Variants in MYO9B observed in about 807,000 individuals in gnomAD.
The protein encoded by MYO9B is myosin IXB.
Under a neutral mutation model 229.5 loss-of-function variants are expected in MYO9B, and 71 were observed. The observed-to-expected ratio is 0.31, with a 90% CI of 0.26 to 0.38. The LOEUF is 0.38. Ranked by LOEUF, MYO9B falls within the 10% of genes least tolerant of loss-of-function variation. The pLI, the probability that MYO9B is intolerant of heterozygous loss-of-function variation, is 1.00. For missense variants in MYO9B, 2,255 were observed against 2,920.5 expected (o/e 0.77, Z 5.25); for synonymous variants, 1,185 against 1,235.8 (o/e 0.96, Z 0.86).
intron 19 of MYO9B, among the ~76,000 whole-genome samples, chr19:17,189,437 A>G (rs2072955462): frequency 6.7e-6 from 1 of 148,746 alleles, no homozygotes; most frequent in Non-Finnish European, 1.5e-5. Context: ...GGAGCTTAAA[A>G]TCAGTCTAGG....
At chr19:17,100,553 A>T (rs74779839) in intron 1 of MYO9B, among the ~76,000 whole-genome samples, 1 of 152,152 alleles carries the variant, frequency 6.6e-6, no homozygotes, top group African/African-American at 2.4e-5. Flanking sequence ...TTCTGGTGTC[A>T]CTAGCTCTTC....
chr19:17,173,833 A>C (rs1056442030), intron 13 of MYO9B, among the ~76,000 whole-genome samples: 5 of 152,044 alleles, frequency 3.3e-5, no homozygotes, highest in Non-Finnish European at 7.4e-5. Flanking sequence ...ACCCAGGTCT[A>C]AGGGCTCCAA....
At position 17,162,565 on chromosome 19, in the gene MYO9B, C is replaced by T. The variant is rs549158289; in HGVS notation, c.1536+99C>T. Reference sequence around the variant, plus strand: ...CGACCTGGAACATCCGGAGCCGAGGCATCTGCAATCAAGAGGCTGTTTCCC... The same window carrying T: ...CGACCTGGAACATCCGGAGCCGAGGTATCTGCAATCAAGAGGCTGTTTCCC... On this transcript the variant is annotated intron_variant, in intron 9 of 39. Transcript: ENST00000682292. 4.8e-5 allele frequency: 49 copies of T among 1,018,410 alleles called. No individual in the cohort carries two copies. The Middle Eastern group carries it at 6.2e-4, about 13-fold the overall frequency. The allele number at this position is 1,018,410 out of a possible 1,614,324, so 63.1% of individuals were successfully genotyped here. A position where few individuals can be genotyped will look rare whatever the true frequency, so the allele number is the denominator to read the frequency against.
At chr19:17,103,053 CAAA>C (rs55897174) in intron 2 of MYO9B, among the ~76,000 whole-genome samples, 10 of 92,160 alleles carry the variant, frequency 1.1e-4, no homozygotes, top group Non-Finnish European at 1.3e-4. Flanking sequence ...CCCCTCTCTA[CAAA>C]AAAAAAAAAA....
intron 1 of MYO9B, among the ~76,000 whole-genome samples, chr19:17,098,039 T>A (rs1045415938): frequency 8.7e-6 from 1 of 115,242 alleles, no homozygotes; most frequent in Non-Finnish European, 1.7e-5. Context: ...CTCTTCATCC[T>A]TCAGAACCCC....
intron 1 of MYO9B, among the ~76,000 whole-genome samples, chr19:17,097,126 G>A (rs1032922264): frequency 6.6e-6 from 1 of 151,682 alleles, no homozygotes; most frequent in Non-Finnish European, 1.5e-5. Context: ...CAACATGGCT[G>A]TCTCTACTAA....
intron 35 of MYO9B, among the ~76,000 whole-genome samples, chr19:17,208,331 T>G (rs1179968181): frequency 1.3e-5 from 1 of 79,514 alleles, no homozygotes; most frequent in African/African-American, 8.8e-5. Flanking sequence ...AGAGCGAGAC[T>G]CCGTCTCAAA....
At position 17,185,101 on chromosome 19, in the gene MYO9B, C is replaced by T. The variant is rs141331737; in HGVS notation, c.2496+114C>T. 4.1e-3 allele frequency: 6,022 copies of T among 1,476,050 alleles called. 167 individuals are homozygous for T. The African/African-American group carries it at 0.065, about 16-fold the overall frequency. 91.4% of individuals were successfully genotyped at this position (1,476,050 alleles called of 1,614,324 possible). A position where few individuals can be genotyped will look rare whatever the true frequency, so the allele number is the denominator to read the frequency against. ...AGTAAAAATACAAAAATTGGCCGGG[C>T]GCGGTGGCTCAAGCCTGTAATCCCA... On this transcript the variant is annotated intron_variant, in intron 17 of 39. Transcript: ENST00000682292.
intron 2 of MYO9B, among the ~76,000 whole-genome samples, chr19:17,130,772 CAAAAAA>C (rs71180365): frequency 0.035 from 4,644 of 133,084 alleles, 107 homozygotes; most frequent in Non-Finnish European, 0.054. Context: ...GACTTGGTCT[CAAAAAA>C]AAAAAAAAAA....
chr19:17,162,745 C>G (rs2072617649), intron 9 of MYO9B, among the ~76,000 whole-genome samples: 1 of 152,082 alleles, frequency 6.6e-6, no homozygotes, highest in African/African-American at 2.4e-5. Context: ...ATTGCTTGAG[C>G]CCAGGAGGTC....
At position 17,200,343 on chromosome 19, in the gene MYO9B, G is replaced by A; in HGVS notation, c.4289G>A (p.Ser1430Asn). 6.2e-7 allele frequency: 1 copy of A among 1,612,698 alleles called. No individual in the cohort carries two copies. The highest frequency in any genetic ancestry group is 8.5e-7 in the Non-Finnish European group (1 of 1,179,282). The change falls in exon 25 of 40, where the codon AGC becomes AAC. Residue 1430 changes from serine (S) to asparagine (N), a missense_variant. By Grantham distance (46) the Ser-to-Asn change is conservative (BLOSUM62 1). Around this residue, in one of 7 missense-constraint regions of MYO9B, gnomAD observed 679 missense variants for 770.2 expected, o/e 0.88. Transcript: ENST00000682292. ...FLHKTKDKKY[S>N]LEGAEELENA... ...CATAAAACCAAGGATAAAAAATACAGCCTGGAGGGCGCAGAGGAGCTGGAG... is the reference window on the plus strand; with the variant it reads ...CATAAAACCAAGGATAAAAAATACAACCTGGAGGGCGCAGAGGAGCTGGAG...
At chr19:17,203,505 C>T (rs1039007319) in intron 30 of MYO9B, among the ~76,000 whole-genome samples, 1 of 151,518 alleles carries the variant, frequency 6.6e-6, no homozygotes, top group African/African-American at 2.4e-5. Context: ...CCCAGCTACT[C>T]GGGAGGCTGA....
Position 17,212,961 on chromosome 19 carries a change from G to C in MYO9B, c.*651G>C, listed in dbSNP as rs1473624335. 3 of 152,314 alleles carry C rather than the reference G, an allele frequency of 2.0e-5. No individual in the cohort carries two copies. The highest frequency in any genetic ancestry group is 2.9e-5 in the Non-Finnish European group (2 of 68,090). 9.4% of individuals were successfully genotyped at this position (152,314 alleles called of 1,614,324 possible). A position where few individuals can be genotyped will look rare whatever the true frequency, so the allele number is the denominator to read the frequency against. ...GGGCTATTGGCTGGAGCCAGGACAT[G>C]AGTCAGGGGCACCATGGACCTCACG... On this transcript the variant is annotated 3_prime_UTR_variant, in exon 40 of 40. Coordinates refer to ENST00000682292, the MANE Select transcript of MYO9B (RefSeq NM_004145.4). This position sits in a 1 kb window ranked among gnomAD's most constrained non-coding sequence, Gnocchi z 5.4.
At chr19:17,077,776 C>T (rs1010392555) in intron 1 of MYO9B, among the ~76,000 whole-genome samples, 7 of 152,244 alleles carry the variant, frequency 4.6e-5, no homozygotes, top group Admixed American at 2.6e-4. Flanking sequence ...CCATTCCTGG[C>T]TGCGATGATC....
intron 18 of MYO9B, 111 bp from the exon 19 acceptor site, chr19:17,187,824 T>C (rs954701152): frequency 2.4e-6 from 2 of 834,692 alleles, no homozygotes; most frequent in African/African-American, 1.7e-5. Context: ...GAGGCAGTGG[T>C]CGCATGGGGA....
chr19:17,102,692 G>T lies in MYO9B; in HGVS notation c.840+135G>T. On this transcript the variant is annotated intron_variant, in intron 2 of 39. Coordinates refer to ENST00000682292, the MANE Select transcript of MYO9B (RefSeq NM_004145.4). The stretch of plus-strand genomic sequence containing the variant: ...GAGGGAGGAGGATTGCTTGAGCCCA[G>T]GAGTTCAAGATCAGCCTGGGCAACA... 1.6e-6 allele frequency: 2 copies of T among 1,281,982 alleles called. 1 individual carries two copies. Among genetic ancestry groups the T allele is most frequent in the South Asian group, 3.2e-5 (2 of 63,330 alleles). 79.4% of individuals were successfully genotyped at this position (1,281,982 alleles called of 1,614,324 possible).
chr19:17,109,884 G>A (rs2057830585), intron 2 of MYO9B, among the ~76,000 whole-genome samples: 1 of 152,188 alleles, frequency 6.6e-6, no homozygotes, highest in Non-Finnish European at 1.5e-5. Context: ...CACAGTCACA[G>A]GTTCTGGGGG....
chr19:17,190,497 G>T (rs1336843754), intron 19 of MYO9B, among the ~76,000 whole-genome samples: 2 of 151,464 alleles, frequency 1.3e-5, no homozygotes, highest in African/African-American at 2.4e-5. Context: ...GGGCATGGTG[G>T]CTACAGGACT....
Position 17,169,729 on chromosome 19 carries a change from C to G in MYO9B, c.1793+1665C>G, listed in dbSNP as rs550975898. ...GCTTTTGGCCACATCACTCCAGTCC[C>G]TGCCTCCCTCTTCCTCTTCACATGG... On this transcript the variant is annotated intron_variant, in intron 11 of 39. Transcript: ENST00000682292. Among the ~76,000 whole-genome samples the G allele has an allele frequency of 5.9e-3, 899 of 151,870 alleles. 6 individuals are homozygous for G. The highest frequency in any genetic ancestry group is 0.02 in the African/African-American group (820 of 41,404).
Sources: allele counts gnomAD v4.1 joint callset (sites outside exome capture counted in the v4.1 genomes callset), GRCh38; gene constraint gnomAD v4.1.1; regional missense constraint gnomAD v4.1.1; non-coding constraint Gnocchi (gnomAD v3.1); transcripts MANE v1.5; gene names NCBI Gene and HGNC (gene_info 2026-07-23, HGNC 2026-07-21).